ALX4: variants seen among roughly 807,000 people sequenced by gnomAD.
ALX4 encodes homeobox protein aristaless-like 4.
ALX4 carries 22 observed loss-of-function variants against 40.6 expected under a neutral mutation model. That is an observed-to-expected ratio of 0.54 (90% confidence interval 0.39 to 0.77). ALX4 has a LOEUF of 0.77. ALX4 is among the 30% of genes least tolerant of loss of function. The probability of loss-of-function intolerance (pLI) is 0.00; values close to 1 mark genes in which losing one functional copy is unlikely to be tolerated. For missense variants in ALX4, 556 were observed against 564.8 expected (o/e 0.98, Z 0.16); for synonymous variants, 266 against 240.5 (o/e 1.11, Z -0.98).
At chr11:44,309,260 C>T (rs1004715601) in intron 1 of ALX4, among the ~76,000 whole-genome samples, 52 of 151,300 alleles carry the variant, frequency 3.4e-4, no homozygotes, top group African/African-American at 1.2e-3. Context: ...GACTCCTTGC[C>T]GCCGCACGCC....
intron 2 of ALX4, among the ~76,000 whole-genome samples, chr11:44,272,785 G>T (rs1231197334): frequency 1.3e-5 from 2 of 152,040 alleles, no homozygotes; most frequent in East Asian, 3.9e-4. Context: ...CTCCAACCTG[G>T]GTGACACAGT....
At chr11:44,291,503 G>T (rs1242974643) in intron 1 of ALX4, among the ~76,000 whole-genome samples, 1 of 151,904 alleles carries the variant, frequency 6.6e-6, no homozygotes, top group Non-Finnish European at 1.5e-5. Flanking sequence ...CCGCCTTCTG[G>T]GTTCAAGCGA....
intron 1 of ALX4, among the ~76,000 whole-genome samples, chr11:44,291,927 T>C (rs1170734833): frequency 6.6e-6 from 1 of 152,202 alleles, no homozygotes; most frequent in Non-Finnish European, 1.5e-5. Flanking sequence ...CAAGCCATTC[T>C]TCTGCCTCAG....
chr11:44,269,278 C>T (rs1377108009), intron 2 of ALX4, among the ~76,000 whole-genome samples: 1 of 152,254 alleles, frequency 6.6e-6, no homozygotes, highest in African/African-American at 2.4e-5. Flanking sequence ...CTCATAGTCG[C>T]AGCAGGGGAG....
At chr11:44,290,617 A>G (rs1412223284) in intron 1 of ALX4, among the ~76,000 whole-genome samples, 1 of 152,214 alleles carries the variant, frequency 6.6e-6, no homozygotes, top group Non-Finnish European at 1.5e-5. Flanking sequence ...GGTCTGTTGA[A>G]GCTGTGTTTA....
At chr11:44,266,886 G>A (rs942274952) in intron 3 of ALX4, among the ~76,000 whole-genome samples, 1 of 152,202 alleles carries the variant, frequency 6.6e-6, no homozygotes, top group African/African-American at 2.4e-5. Context: ...GCTGAGCACA[G>A]GCACACAAGC....
intron 1 of ALX4, among the ~76,000 whole-genome samples, chr11:44,299,068 G>A (rs1405102240): frequency 1.3e-5 from 2 of 152,122 alleles, no homozygotes; most frequent in African/African-American, 4.8e-5. Flanking sequence ...TTTCCTAGAG[G>A]GCACTGTTCC....
At chr11:44,304,913 G>C (rs908677820) in intron 1 of ALX4, among the ~76,000 whole-genome samples, 1 of 152,216 alleles carries the variant, frequency 6.6e-6, no homozygotes, top group Non-Finnish European at 1.5e-5. Context: ...CCCGGCGGTC[G>C]CGGCGAGGTT....
At chr11:44,294,840 T>C (rs891925138) in intron 1 of ALX4, among the ~76,000 whole-genome samples, 2 of 150,466 alleles carry the variant, frequency 1.3e-5, no homozygotes, top group Non-Finnish European at 3.0e-5. Context: ...ATTTATTTAT[T>C]TATTTATTTA....
At chr11:44,275,896 C>T (rs1226560450) in intron 1 of ALX4, among the ~76,000 whole-genome samples, 2 of 152,180 alleles carry the variant, frequency 1.3e-5, no homozygotes, top group Non-Finnish European at 2.9e-5. Flanking sequence ...TAGACTAGGT[C>T]CCTTCCAGCA....
intron 1 of ALX4, among the ~76,000 whole-genome samples, chr11:44,302,796 G>T (rs1190972745): frequency 6.6e-6 from 1 of 152,144 alleles, no homozygotes; most frequent in Non-Finnish European, 1.5e-5. Context: ...AGCCTCCAGG[G>T]AAGCCTTTTC....
At chr11:44,280,456 C>T (rs74713591) in intron 1 of ALX4, among the ~76,000 whole-genome samples, 80 of 152,336 alleles carry the variant, frequency 5.3e-4, no homozygotes, top group African/African-American at 1.8e-3. Flanking sequence ...GCAGCAACAG[C>T]GCCCAGCGTG....
intron 3 of ALX4, among the ~76,000 whole-genome samples, chr11:44,265,713 G>A (rs1390457410): frequency 6.6e-6 from 1 of 152,106 alleles, no homozygotes; most frequent in African/African-American, 2.4e-5. Context: ...CAGAAACCAA[G>A]GGTCAGTGGC....
chr11:44,268,772 G>A (rs1439621440), intron 2 of ALX4, among the ~76,000 whole-genome samples: 1 of 152,216 alleles, frequency 6.6e-6, no homozygotes, highest in Non-Finnish European at 1.5e-5. Context: ...GCTTTAGGCT[G>A]ATTCAGAGAT....
chr11:44,305,414 C>T (rs1956460592), intron 1 of ALX4, among the ~76,000 whole-genome samples: 1 of 152,228 alleles, frequency 6.6e-6, no homozygotes, highest in Non-Finnish European at 1.5e-5. Flanking sequence ...ATCCCTCCCT[C>T]CAAAATTAAA....
intron 1 of ALX4, among the ~76,000 whole-genome samples, chr11:44,309,178 C>CCCCG (rs1565013067): frequency 2.8e-4 from 14 of 49,262 alleles, no homozygotes; most frequent in Middle Eastern, 0.011. Context: ...AGCCCCGCAG[C>CCCCG]CTCGCAGCCC....
chr11:44,297,651 G>A (rs1956411139), intron 1 of ALX4, among the ~76,000 whole-genome samples: 1 of 152,114 alleles, frequency 6.6e-6, no homozygotes, highest in South Asian at 2.1e-4. Flanking sequence ...GGGAGGCAGA[G>A]GTTGCAGTGA....
At chr11:44,266,228 AGGTGGG>A (rs1956213128) in intron 3 of ALX4, among the ~76,000 whole-genome samples, 1 of 152,058 alleles carries the variant, frequency 6.6e-6, no homozygotes, top group South Asian at 2.1e-4. Context: ...GCTGTAGGTG[AGGTGGG>A]GGTAGGAGGG....
Position 44,261,107 on chromosome 11 carries a change from T to G in ALX4, c.*3747A>C, listed in dbSNP as rs1313788726. ...GTCACCTTCTTATTTTTTAACTGGA[T>G]AGTCACAGAGTATTATCCTGGGGGC... On this transcript the variant is annotated 3_prime_UTR_variant, in exon 4 of 4. Coordinates refer to ENST00000652299, the MANE Select transcript of ALX4 (RefSeq NM_021926.4). 1 of 152,202 alleles carries G rather than the reference T, an allele frequency of 6.6e-6. No homozygotes were observed. 9.4% of individuals were successfully genotyped at this position (152,202 alleles called of 1,614,324 possible). A position where few individuals can be genotyped will look rare whatever the true frequency, so the allele number is the denominator to read the frequency against.
Sources: allele counts gnomAD v4.1 joint callset (sites outside exome capture counted in the v4.1 genomes callset), GRCh38; gene constraint gnomAD v4.1.1; transcripts MANE v1.5; gene names NCBI Gene and HGNC (gene_info 2026-07-23, HGNC 2026-07-21).